The following LGR4 variants were observed in gnomAD, a reference collection of about 807,000 sequenced individuals.
LGR4 encodes the protein leucine-rich repeat-containing G protein-coupled receptor 4.
LGR4 carries 44 observed loss-of-function variants against 84.8 expected under a neutral mutation model. The ratio of observed to expected loss-of-function variants is 0.52; its 90% CI spans 0.41 to 0.67. LGR4 has a LOEUF of 0.67. LGR4 is among the 30% of genes least tolerant of loss of function. The pLI is 0.00. For synonymous variants in LGR4, 429 were observed against 434.3 expected, an observed-to-expected ratio of 0.99 and a Z score of 0.15; for missense variants, 1,032 against 1,131.4, an observed-to-expected ratio of 0.91 and a Z score of 1.26.
At chr11:27,371,813 T>C in intron 16 of LGR4, 115 bp from the exon 17 acceptor site, 2 of 704,748 alleles carry the variant, frequency 2.8e-6, no homozygotes, top group Non-Finnish European at 2.4e-6. Context: ...GAAGGTTCAA[T>C]AACATATTAA....
At chr11:27,466,039 C>T (rs769850609) in intron 1 of LGR4, among the ~76,000 whole-genome samples, 8 of 152,248 alleles carry the variant, frequency 5.3e-5, no homozygotes, top group East Asian at 1.9e-4. Context: ...GAAGGCCGCA[C>T]GGGACGGTTA....
At chr11:27,369,490 C>T (rs1238073074) in intron 17 of LGR4, among the ~76,000 whole-genome samples, 3 of 152,040 alleles carry the variant, frequency 2.0e-5, no homozygotes. Flanking sequence ...TATTTGATGA[C>T]TGAGGGTCTG....
intron 2 of LGR4, among the ~76,000 whole-genome samples, chr11:27,399,756 T>C (rs1863463044): frequency 6.6e-6 from 1 of 152,136 alleles, no homozygotes; most frequent in Non-Finnish European, 1.5e-5. Flanking sequence ...TGACCTCAGG[T>C]GATCCACCTG....
rs1160295111 is a variant in LGR4 at position 27,368,463 on chromosome 11, A to G, written c.2260T>C (p.Phe754Leu). ...GGGCAGAAAAAGATGCAATTGGTGA[A>G]GATTAGCCAAGCGACATGCTTAATC... ...SMIKHVAWLI[F>L]TNCIFFCPVA... Residue 754 changes from phenylalanine to leucine, a missense_variant, in exon 18 of 18, where the codon TTC (phenylalanine) becomes CTC (leucine). Phe to Leu is a conservative substitution (Grantham distance 22). Coordinates refer to ENST00000379214, the MANE Select transcript of LGR4 (RefSeq NM_018490.5). The G allele has an allele frequency of 6.2e-7, 1 of 1,614,226 alleles. No homozygotes were observed. The highest frequency in any genetic ancestry group is 1.7e-5 in the Admixed American group (1 of 60,028).
chr11:27,405,906 T>C (rs529551373), intron 2 of LGR4, among the ~76,000 whole-genome samples: 1 of 152,182 alleles, frequency 6.6e-6, no homozygotes, highest in South Asian at 2.1e-4. Flanking sequence ...TTGAAGGTCA[T>C]ATCTGAACAA....
rs1214705359 is a variant in LGR4, at chr11:27,366,637, T to C, written c.*1230A>G. 6.6e-6 allele frequency: 1 copy of C among 152,552 alleles called. No homozygotes were observed. Among genetic ancestry groups the C allele is most frequent in the African/African-American group, 2.4e-5 (1 of 41,444 alleles). The allele number at this position is 152,552 out of a possible 1,614,324, so 9.4% of individuals were successfully genotyped here. ...ATAACTTTAAGACTCCACCCAGTAA[T>C]AGGTCTAAAGCCCATAGATGGGAAT... On this transcript the variant is annotated 3_prime_UTR_variant, in exon 18 of 18. Transcript: ENST00000379214.
At chr11:27,369,165 A>G (rs766082558) in intron 17 of LGR4, 22 bp from the exon 18 acceptor site, 57 of 1,527,160 alleles carry the variant, frequency 3.7e-5, no homozygotes, top group Middle Eastern at 2.0e-4. Context: ...ACACACAGAG[A>G]GAGAGAAATA....
rs544195455 is a variant in LGR4, at chr11:27,437,294, C to A, written c.186-24434G>T. Reference sequence around the variant, plus strand: ...TAGCCAAGGAACCCTACTGTTTTGGCCAATTTTTTTTTTTATAAATTGCTG... The same window carrying A: ...TAGCCAAGGAACCCTACTGTTTTGGACAATTTTTTTTTTTATAAATTGCTG... On this transcript the variant is annotated intron_variant, in intron 1 of 17. Transcript: ENST00000379214. Among the ~76,000 whole-genome samples, 150 of 150,500 alleles carry A rather than the reference C, an allele frequency of 1.0e-3. 1 individual carries two copies. Among genetic ancestry groups the A allele is most frequent in the African/African-American group, 3.5e-3 (139 of 40,014 alleles).
At chr11:27,397,985 C>T (rs1008745124) in intron 2 of LGR4, among the ~76,000 whole-genome samples, 11 of 152,198 alleles carry the variant, frequency 7.2e-5, no homozygotes, top group Non-Finnish European at 1.5e-4. Flanking sequence ...GATTTGGAAC[C>T]ATTCCAGGAA....
intron 4 of LGR4, 143 bp downstream of exon 4, chr11:27,390,951 C>T (rs1047100060): frequency 7.4e-6 from 4 of 541,804 alleles, no homozygotes; most frequent in African/African-American, 3.9e-5. Flanking sequence ...CACCAAAGGA[C>T]GTTTTGATAA....
chr11:27,424,980 C>T (rs1452330491), intron 1 of LGR4, among the ~76,000 whole-genome samples: 1 of 152,126 alleles, frequency 6.6e-6, no homozygotes, highest in Non-Finnish European at 1.5e-5. Context: ...CTCTTGACCT[C>T]AGGCAATCCA....
At chr11:27,410,337 C>T (rs960917172) in intron 2 of LGR4, among the ~76,000 whole-genome samples, 1 of 152,064 alleles carries the variant, frequency 6.6e-6, no homozygotes, top group Admixed American at 6.6e-5. Context: ...TGATTTCTCC[C>T]AATACCCCAA....
At chr11:27,443,970 AC>A (rs1864344741) in intron 1 of LGR4, among the ~76,000 whole-genome samples, 1 of 152,112 alleles carries the variant, frequency 6.6e-6, no homozygotes, top group Non-Finnish European at 1.5e-5. Flanking sequence ...AATAACAATA[AC>A]CCTGTAGCAT....
At chr11:27,418,084 T>C (rs1863854334) in intron 1 of LGR4, among the ~76,000 whole-genome samples, 1 of 152,200 alleles carries the variant, frequency 6.6e-6, no homozygotes, top group Non-Finnish European at 1.5e-5. Context: ...ATGTGCAAGG[T>C]ACTGTACGTG....
intron 2 of LGR4, among the ~76,000 whole-genome samples, chr11:27,405,472 A>C (rs951407952): frequency 9.9e-5 from 15 of 151,986 alleles, no homozygotes; most frequent in Admixed American, 5.2e-4. Flanking sequence ...ATCTATACCC[A>C]CGATACACTA....
chr11:27,472,150 C>A lies in LGR4; in HGVS notation c.153G>T (p.Val51=). The A allele has an allele frequency of 7.1e-7, 1 of 1,401,958 alleles. No individual in the cohort carries two copies. The allele number at this position is 1,401,958 out of a possible 1,614,324, so 86.8% of individuals were successfully genotyped here. Reference sequence around the variant, plus strand: ...GGGTGAAGGCGCTGAGCCCCTCGGGCACGGCCGTCAGCCCCTTCCCGGAGC... The same window carrying A: ...GGGTGAAGGCGCTGAGCCCCTCGGGAACGGCCGTCAGCCCCTTCCCGGAGC... ...VDCSGKGLTA[V]PEGLSAFTQA... The change falls in exon 1 of 18, where the codon GTG becomes GTT. Residue 51 remains valine, a synonymous_variant. Coordinates refer to ENST00000379214, the MANE Select transcript of LGR4 (RefSeq NM_018490.5).
chr11:27,418,181 T>G (rs548005176), intron 1 of LGR4, among the ~76,000 whole-genome samples: 21 of 152,368 alleles, frequency 1.4e-4, no homozygotes, highest in African/African-American at 5.0e-4. Context: ...ATTCTTAACT[T>G]GCTATTACTG....
At chr11:27,459,721 C>T (rs1864647203) in intron 1 of LGR4, among the ~76,000 whole-genome samples, 1 of 151,934 alleles carries the variant, frequency 6.6e-6, no homozygotes, top group Admixed American at 6.5e-5. Context: ...ATGATCCACC[C>T]ACCTCGGCCT....
At chr11:27,373,786 G>A (rs938279220) in intron 14 of LGR4, 110 bp from the exon 15 acceptor site, 2 of 1,134,468 alleles carry the variant, frequency 1.8e-6, no homozygotes, top group Admixed American at 2.5e-5. Flanking sequence ...AAGTTCAAGT[G>A]GGGGTGCTAA....
Sources: allele counts gnomAD v4.1 joint callset (sites outside exome capture counted in the v4.1 genomes callset), GRCh38; gene constraint gnomAD v4.1.1; transcripts MANE v1.5; gene names NCBI Gene and HGNC (gene_info 2026-07-23, HGNC 2026-07-21).